Variants in SCAF1 observed in about 807,000 individuals in gnomAD.
SCAF1 encodes splicing factor, arginine/serine-rich 19.
A neutral mutation model predicts 91.2 loss-of-function variants in SCAF1; 28 were observed. The observed-to-expected ratio is 0.31, with a 90% CI of 0.23 to 0.42. The LOEUF (loss-of-function observed/expected upper bound fraction) is 0.42, where lower values mean the gene tolerates loss of function less well. SCAF1 is among the 10% of genes least tolerant of loss of function. SCAF1 has a pLI of 1.00. For missense variants in SCAF1, 1,893 were observed against 1,872.1 expected (o/e 1.01, Z -0.21); for synonymous variants, 1,036 against 833.7 (o/e 1.24, Z -4.18).
rs1469866807 is a variant in SCAF1 at position 49,645,330 on chromosome 19, C to T, written c.109-24C>T. On this transcript the variant is annotated intron_variant, in intron 2 of 10. Coordinates refer to ENST00000360565, the MANE Select transcript of SCAF1 (RefSeq NM_021228.3). This position sits in a 1 kb window ranked among gnomAD's most constrained non-coding sequence, Gnocchi z 4.6. ...AAGCATCTGCCTGGGTCCTCTGACGCTTGGTTCTTCCCCCCTTCCCCAGCG... is the reference window on the plus strand; with the variant it reads ...AAGCATCTGCCTGGGTCCTCTGACGTTTGGTTCTTCCCCCCTTCCCCAGCG... 1 of 1,613,542 alleles carries T rather than the reference C, an allele frequency of 6.2e-7. No individual in the cohort carries two copies. Among genetic ancestry groups the T allele is most frequent in the African/African-American group, 1.3e-5 (1 of 74,904 alleles).
At chr19:49,649,282 T>A (rs2081072426) in intron 6 of SCAF1, among the ~76,000 whole-genome samples, 1 of 151,846 alleles carries the variant, frequency 6.6e-6, no homozygotes, top group Admixed American at 6.6e-5. Context: ...CTGTGGAGAG[T>A]ATTTTGTGCT....
At position 49,653,017 on chromosome 19, in the gene SCAF1, C is replaced by T. The variant is rs1242683943; in HGVS notation, c.2628C>T (p.Phe876=). ...GTGACCGCGAGAGTCGCTCCCCCTT[C>T]CTCAAACCTGACGAGCGGGCCCCCA... The part of the protein sequence containing the change: ...FSRDRESRSP[F]LKPDERAPTE... Residue 876 remains phenylalanine, a synonymous_variant, in exon 7 of 11, where the codon TTC becomes TTT. Transcript: ENST00000360565. 3.1e-6 allele frequency: 5 copies of T among 1,613,904 alleles called. No individual in the cohort carries two copies. The highest frequency in any genetic ancestry group is 1.3e-5 in the African/African-American group (1 of 74,938).
intron 6 of SCAF1, among the ~76,000 whole-genome samples, chr19:49,648,372 A>G (rs2081066872): frequency 6.6e-6 from 1 of 152,052 alleles, no homozygotes; most frequent in Non-Finnish European, 1.5e-5. Context: ...TCAACCTCCC[A>G]AACTGCTGGG....
At position 49,646,863 on chromosome 19, in the gene SCAF1, G is replaced by A. The variant is rs762036235; in HGVS notation, c.478+33G>A. Reference sequence around the variant, plus strand: ...GGGCCAGGGCGGAGCTGGGCAGGTGGTCGTGGAGTTGTGTGGGGATCGGCT... The same window carrying A: ...GGGCCAGGGCGGAGCTGGGCAGGTGATCGTGGAGTTGTGTGGGGATCGGCT... On this transcript the variant is annotated intron_variant, in intron 6 of 10. Transcript: ENST00000360565. The surrounding 1 kb of genome is among the most constrained non-coding windows in gnomAD (Gnocchi z 5.6). 6.4e-7 allele frequency: 1 copy of A among 1,551,280 alleles called. No homozygotes were observed. Among genetic ancestry groups the A allele is most frequent in the African/African-American group, 1.4e-5 (1 of 73,460 alleles).
chr19:49,645,240 C>T lies in SCAF1; in HGVS notation c.108+106C>T. The T allele has an allele frequency of 1.3e-6, 2 of 1,497,800 alleles. No homozygotes were observed. The highest frequency in any genetic ancestry group is 1.9e-6 in the Non-Finnish European group (2 of 1,077,602). The allele number at this position is 1,497,800 out of a possible 1,614,324, so 92.8% of individuals were successfully genotyped here. The stretch of plus-strand genomic sequence containing the variant: ...GCAGGGGCGCTGGACTCTTGGCTCC[C>T]TTGAAGCACTTGAGTCTAGCTGTCA... On this transcript the variant is annotated intron_variant, in intron 2 of 10. Transcript: ENST00000360565. This position sits in a 1 kb window ranked among gnomAD's most constrained non-coding sequence, Gnocchi z 4.6.
rs769141206 is a variant in SCAF1 at position 49,652,090 on chromosome 19, G to C, written c.1701G>C (p.Ser567=). Residue 567 remains serine (S), a synonymous_variant, in exon 7 of 11, where the codon TCG becomes TCC. Transcript: ENST00000360565. ...SRDRKPGSHA[S]SSARRRSRSR... ...ACCGCAAGCCCGGCTCCCACGCCTC[G>C]TCGTCCGCCCGCCGCCGCTCCCGCT... The C allele has an allele frequency of 1.7e-6, 2 of 1,173,410 alleles. No homozygotes were observed. The highest frequency in any genetic ancestry group is 2.1e-6 in the Non-Finnish European group (2 of 941,384). 72.7% of individuals were successfully genotyped at this position (1,173,410 alleles called of 1,614,324 possible).
rs747053810 is a variant in SCAF1, at chr19:49,650,880, C to G, written c.491C>G (p.Ser164Trp). The G allele has an allele frequency of 3.1e-6, 5 of 1,609,768 alleles. No individual in the cohort carries two copies. Among genetic ancestry groups the G allele is most frequent in the Admixed American group, 3.4e-5 (2 of 59,530 alleles). The change falls in exon 7 of 11, where the codon TCG becomes TGG. Residue 164 changes from serine to tryptophan, a missense_variant. Around this residue, in one of 5 missense-constraint regions of SCAF1, gnomAD observed 270 missense variants for 292.5 expected, o/e 0.92. Coordinates refer to ENST00000360565, the MANE Select transcript of SCAF1 (RefSeq NM_021228.3). ...WRTGKTVSPQ[S>W]NSSRPTCARH... ...TGTTCCTTTGCAGTTTCTCCACAGT[C>G]GAACTCCTCTAGGCCCACCTGTGCC...
chr19:49,641,505 C>G (rs2081025964), upstream of SCAF1, among the ~76,000 whole-genome samples: 1 of 152,144 alleles, frequency 6.6e-6, no homozygotes, highest in Non-Finnish European at 1.5e-5. Context: ...TTAGTAGAGA[C>G]TGGGTTTCAC....
intron 9 of SCAF1, among the ~76,000 whole-genome samples, chr19:49,656,914 C>A (rs1473141827): frequency 6.6e-6 from 1 of 152,196 alleles, no homozygotes; most frequent in South Asian, 2.1e-4. Context: ...CAACACTTCG[C>A]AAGGCCGAGG....
At chr19:49,641,108 G>C (rs1416506518), upstream of SCAF1, among the ~76,000 whole-genome samples, 1 of 152,112 alleles carries the variant, frequency 6.6e-6, no homozygotes, top group African/African-American at 2.4e-5. Flanking sequence ...GGCTTGGGGG[G>C]ACCCGAATTC....
Position 49,653,452 on chromosome 19 carries a change from GGAGGAGGAGGAGGAGGAAGAAGAA to G in SCAF1, c.3075_3098del (p.Glu1032_Glu1039del). 1 of 1,459,728 alleles carries G rather than the reference GGAGGAGGAGGAGGAGGAAGAAGAA, an allele frequency of 6.9e-7. No individual in the cohort carries two copies. The highest frequency in any genetic ancestry group is 9.1e-7 in the Non-Finnish European group (1 of 1,096,444). 90.4% of individuals were successfully genotyped at this position (1,459,728 alleles called of 1,614,324 possible). A position where few individuals can be genotyped will look rare whatever the true frequency, so the allele number is the denominator to read the frequency against. On this transcript the variant is annotated inframe_deletion, in exon 7 of 11. Transcript: ENST00000360565. Reference sequence around the variant, plus strand: ...AGGAGGCTGGGGTCCGAGGTGGGGCGGAGGAGGAGGAGGAGGAAGAAGAAGAGGAGGAGGAAGAGGAAGAGGAGG... The same window carrying G: ...AGGAGGCTGGGGTCCGAGGTGGGGCGGAGGAGGAGGAAGAGGAAGAGGAGG...
rs995201862 is a variant in SCAF1, at chr19:49,645,771, C to T, written c.167-337C>T. On this transcript the variant is annotated intron_variant, in intron 3 of 10. Transcript: ENST00000360565. This position sits in a 1 kb window ranked among gnomAD's most constrained non-coding sequence, Gnocchi z 4.6. ...CAGCAGGCCTACAGCACGGGTGCAGCGGCGAGGGGCTGCGCTGGGCTTCCT... is the reference window on the plus strand; with the variant it reads ...CAGCAGGCCTACAGCACGGGTGCAGTGGCGAGGGGCTGCGCTGGGCTTCCT... Among the ~76,000 whole-genome samples, 3 of 152,080 alleles carry T rather than the reference C, an allele frequency of 2.0e-5. No individual in the cohort carries two copies. Among genetic ancestry groups the T allele is most frequent in the South Asian group, 4.1e-4 (2 of 4,822 alleles).
intron 1 of SCAF1, 166 bp from the exon 2 acceptor site, chr19:49,644,855 G>A (rs893946375): frequency 8.5e-5 from 50 of 588,868 alleles, no homozygotes; most frequent in African/African-American, 6.8e-4. Context: ...TGGGTCCAGC[G>A]CCCACCCAAG....
rs1008786263 is a variant in SCAF1, at chr19:49,651,345, G to A, written c.956G>A (p.Ser319Asn). 7 of 1,608,602 alleles carry A rather than the reference G, an allele frequency of 4.4e-6. No homozygotes were observed. The highest frequency in any genetic ancestry group is 5.9e-6 in the Non-Finnish European group (7 of 1,179,850). The change falls in exon 7 of 11, where the codon AGC becomes AAC. Residue 319 changes from serine to asparagine, a missense_variant. By Grantham distance (46) the Ser-to-Asn change is conservative. Transcript: ENST00000360565. ...AGCCAGGACTTCCCAGGTGACGAGA[G>A]CCCCCGCCCGGACGCGCAGCCCACA... is the stretch of plus-strand genomic sequence containing the variant. ...SLSQDFPGDE[S>N]PRPDAQPTQP...
chr19:49,648,099 G>GT (rs371461348), intron 6 of SCAF1, among the ~76,000 whole-genome samples: 83 of 147,360 alleles, frequency 5.6e-4, no homozygotes, highest in South Asian at 8.6e-4. Flanking sequence ...TGCCTGGCTA[G>GT]TTTTTTTTTT....
At position 49,657,756 on chromosome 19, in the gene SCAF1, A is replaced by G; in HGVS notation, c.3619-5A>G. ...TGTCTTCCCCCGCTGTCGCCACCCC[A>G]CCAGTATCTGAAGAAGCTGCACACG... On this transcript the variant is annotated splice_region_variant and splice_polypyrimidine_tract_variant and intron_variant, in intron 9 of 10. Transcript: ENST00000360565. 1.3e-6 allele frequency: 2 copies of G among 1,597,564 alleles called. No homozygotes were observed. Among genetic ancestry groups the G allele is most frequent in the Non-Finnish European group, 1.7e-6 (2 of 1,171,650 alleles).
At position 49,654,726 on chromosome 19, in the gene SCAF1, C is replaced by A. The variant is rs2081127854; in HGVS notation, c.3474C>A (p.Pro1158=). The A allele has an allele frequency of 6.2e-7, 1 of 1,614,074 alleles. No individual in the cohort carries two copies. The highest frequency in any genetic ancestry group is 8.5e-7 in the Non-Finnish European group (1 of 1,179,980). Reference sequence around the variant, plus strand: ...CTGTGCCCACCTCTTTGGGTCTGCCCCCTGGCCCCTCCAGCTACCTGCTTC... The same window carrying A: ...CTGTGCCCACCTCTTTGGGTCTGCCACCTGGCCCCTCCAGCTACCTGCTTC... The part of the protein sequence containing the change: ...PAPVPTSLGL[P]PGPSSYLLPG... The change falls in exon 9 of 11, where the codon CCC becomes CCA. Residue 1158 remains proline, a synonymous_variant. Coordinates refer to ENST00000360565, the MANE Select transcript of SCAF1 (RefSeq NM_021228.3).
Position 49,653,144 on chromosome 19 carries a change from A to G in SCAF1, c.2755A>G (p.Lys919Glu). 1.2e-6 allele frequency: 2 copies of G among 1,608,504 alleles called. No individual in the cohort carries two copies. The highest frequency in any genetic ancestry group is 1.7e-6 in the Non-Finnish European group (2 of 1,177,574). Residue 919 changes from lysine to glutamate, a missense_variant, in exon 7 of 11, where the codon AAG becomes GAG. Lys to Glu is a moderately conservative substitution (Grantham distance 56, BLOSUM62 1). This residue lies in a region of SCAF1 where 1,436 missense variants were observed against 1,306.8 expected (regional missense o/e 1.10). Transcript: ENST00000360565. The stretch of plus-strand genomic sequence containing the variant: ...AACCAAGGGGACCAAGGGAAAGACC[A>G]AGCCATCCAAGACCAGGAAAAAGGT... ...KKTKGTKGKT[K>E]PSKTRKKVRS... is the part of the protein sequence containing the mutation.
intron 1 of SCAF1, among the ~76,000 whole-genome samples, chr19:49,643,813 C>A (rs751951099): frequency 7.2e-5 from 11 of 152,220 alleles, no homozygotes; most frequent in Non-Finnish European, 1.3e-4. Flanking sequence ...AATAGACTAT[C>A]AGGGTTGGGT....
Sources: allele counts gnomAD v4.1 joint callset (sites outside exome capture counted in the v4.1 genomes callset), GRCh38; gene constraint gnomAD v4.1.1; regional missense constraint gnomAD v4.1.1; non-coding constraint Gnocchi (gnomAD v3.1); transcripts MANE v1.5; gene names NCBI Gene and HGNC (gene_info 2026-07-23, HGNC 2026-07-21).